Variants in GPC5 observed in about 807,000 individuals in gnomAD.
The protein encoded by GPC5 is glypican 5, also known as glypican-5.
In GPC5, 47 loss-of-function variants were observed where a neutral mutation model predicts 53.9. That is an observed-to-expected ratio of 0.87 (90% CI 0.69 to 1.11). The LOEUF (loss-of-function observed/expected upper bound fraction) is 1.11. GPC5 is among the 50% of genes most tolerant of loss of function. The pLI, the probability that GPC5 is intolerant of heterozygous loss-of-function variation, is 0.00. For missense variants in GPC5, 748 were observed against 713.1 expected, an observed-to-expected ratio of 1.05 and a Z score of -0.56; for synonymous variants, 286 against 263.3, an observed-to-expected ratio of 1.09 and a Z score of -0.84.
At chr13:92,464,558 A>C (rs919804221) in intron 7 of GPC5, among the ~76,000 whole-genome samples, 1 of 152,098 alleles carries the variant, frequency 6.6e-6, no homozygotes, top group Non-Finnish European at 1.5e-5. Flanking sequence ...CATCAATTTC[A>C]CCATGATTAA....
At chr13:92,145,176 T>C (rs1162499538) in intron 7 of GPC5, among the ~76,000 whole-genome samples, 187 bp downstream of exon 7, 1 of 152,036 alleles carries the variant, frequency 6.6e-6, no homozygotes, top group African/African-American at 2.4e-5. Flanking sequence ...TTTTAACTAA[T>C]GACTTCTAAT....
chr13:92,783,637 A>G (rs781681365), intron 7 of GPC5, among the ~76,000 whole-genome samples: 1 of 152,206 alleles, frequency 6.6e-6, no homozygotes, highest in Non-Finnish European at 1.5e-5. Context: ...TTTCCCTGAT[A>G]TAATTTCACA....
At chr13:92,172,489 GAGA>G (rs1219466333) in intron 7 of GPC5, among the ~76,000 whole-genome samples, 4 of 152,156 alleles carry the variant, frequency 2.6e-5, no homozygotes. Context: ...TGAGGGATCT[GAGA>G]AGAAGAATCA....
At chr13:92,468,456 G>T (rs1321132362) in intron 7 of GPC5, among the ~76,000 whole-genome samples, 1 of 152,020 alleles carries the variant, frequency 6.6e-6, no homozygotes, top group Non-Finnish European at 1.5e-5. Flanking sequence ...CATCTGTATT[G>T]GGTAAGCAAA....
intron 7 of GPC5, among the ~76,000 whole-genome samples, chr13:92,564,404 T>A (rs944721013): frequency 3.3e-5 from 5 of 151,996 alleles, no homozygotes; most frequent in African/African-American, 4.8e-5. Context: ...TTAAAGAGAG[T>A]TGTCCATGTG....
At chr13:91,648,223 A>T (rs999668043) in intron 2 of GPC5, among the ~76,000 whole-genome samples, 1 of 152,146 alleles carries the variant, frequency 6.6e-6, no homozygotes, top group South Asian at 2.1e-4. Flanking sequence ...TTACAAATTG[A>T]TTTTATGTCA....
chr13:92,440,093 A>G (rs117578786), intron 7 of GPC5, among the ~76,000 whole-genome samples: 3 of 152,268 alleles, frequency 2.0e-5, no homozygotes, highest in South Asian at 4.1e-4. Flanking sequence ...GGACAAGACA[A>G]TGTTTTCTTT....
intron 2 of GPC5, among the ~76,000 whole-genome samples, chr13:91,600,355 G>T (rs886357630): frequency 6.7e-6 from 1 of 149,312 alleles, no homozygotes; most frequent in African/African-American, 2.5e-5. Context: ...GAGAGTGTGT[G>T]TGTGTGTGTG....
chr13:92,447,209 A>G (rs1198379413), intron 7 of GPC5: 1 of 152,132 alleles, frequency 6.6e-6, no homozygotes, highest in Non-Finnish European at 1.5e-5. Flanking sequence ...ATCTTTGCCT[A>G]GTCCAGTGTC....
chr13:91,769,655 C>G (rs2037586400), intron 5 of GPC5, among the ~76,000 whole-genome samples: 7 of 152,140 alleles, frequency 4.6e-5, no homozygotes, highest in South Asian at 4.1e-4. Context: ...GGAGGATTGT[C>G]TGGAATGAGA....
chr13:91,988,940 C>A (rs976225066), intron 6 of GPC5, among the ~76,000 whole-genome samples: 1 of 151,844 alleles, frequency 6.6e-6, no homozygotes, highest in Non-Finnish European at 1.5e-5. Context: ...GCAGGCAGGG[C>A]AAGTATTATT....
chr13:91,966,308 A>G (rs1434475921), intron 6 of GPC5, among the ~76,000 whole-genome samples: 1 of 152,182 alleles, frequency 6.6e-6, no homozygotes, highest in Non-Finnish European at 1.5e-5. Context: ...TATACAATCA[A>G]AAGTGTATAA....
chr13:92,032,057 A>T (rs1452144879), intron 6 of GPC5, among the ~76,000 whole-genome samples: 1 of 137,840 alleles, frequency 7.3e-6, no homozygotes, highest in Non-Finnish European at 1.5e-5. Context: ...TATAAAATAT[A>T]TATATTATGT....
At chr13:91,965,925 A>C (rs2040176513) in intron 6 of GPC5, among the ~76,000 whole-genome samples, 1 of 152,214 alleles carries the variant, frequency 6.6e-6, no homozygotes, top group Non-Finnish European at 1.5e-5. Flanking sequence ...TTAAACATCA[A>C]ATACATTTAA....
At chr13:91,858,733 A>G (rs1395327565) in intron 5 of GPC5, among the ~76,000 whole-genome samples, 1 of 151,934 alleles carries the variant, frequency 6.6e-6, no homozygotes, top group Non-Finnish European at 1.5e-5. Context: ...TAGGATTGGT[A>G]TTAGTTCTTT....
chr13:92,630,365 T>C (rs2139130641), intron 7 of GPC5, among the ~76,000 whole-genome samples: 2 of 152,216 alleles, frequency 1.3e-5, no homozygotes, highest in South Asian at 4.1e-4. Context: ...TAAAAGATAA[T>C]GTACACCTAC....
intron 6 of GPC5, among the ~76,000 whole-genome samples, chr13:92,010,319 T>C (rs1028982004): frequency 2.0e-5 from 3 of 152,236 alleles, no homozygotes; most frequent in African/African-American, 7.2e-5. Flanking sequence ...TTTTGCTCGT[T>C]TTATTTATTG....
At chr13:91,415,137 T>C (rs544222581) in intron 1 of GPC5, among the ~76,000 whole-genome samples, 10 of 152,286 alleles carry the variant, frequency 6.6e-5, no homozygotes, top group African/African-American at 2.2e-4. Flanking sequence ...ATGCTAACAA[T>C]TGAAGGCTCT....
intron 6 of GPC5, among the ~76,000 whole-genome samples, chr13:91,951,676 T>G (rs1228564605): frequency 6.6e-6 from 1 of 152,134 alleles, no homozygotes; most frequent in African/African-American, 2.4e-5. Context: ...TAGGACTGTT[T>G]TCATACAGAG....
Sources: gnomAD v4.1 joint callset for allele counts (sites outside exome capture counted in the v4.1 genomes callset) on GRCh38, gnomAD v4.1.1 for gene constraint, MANE v1.5 for transcripts, NCBI Gene and HGNC (gene_info 2026-07-23, HGNC 2026-07-21) for gene names.